PTPRN2: variants seen among roughly 807,000 people sequenced by gnomAD.
PTPRN2 encodes the protein protein tyrosine phosphatase receptor type N2.
PTPRN2 carries 74 observed loss-of-function variants against 118.8 expected under a neutral mutation model. The observed-to-expected ratio is 0.62, with a 90% CI of 0.52 to 0.76. The LOEUF (loss-of-function observed/expected upper bound fraction) is 0.76. Among genes scored for constraint, PTPRN2 ranks in the 30% least tolerant of loss-of-function variants. The probability of loss-of-function intolerance (pLI) is 0.00; values close to 1 mark genes in which losing one functional copy is unlikely to be tolerated. For missense variants in PTPRN2, 1,481 were observed against 1,394.4 expected, an observed-to-expected ratio of 1.06 and a Z score of -0.99; for synonymous variants, 641 against 608.0, an observed-to-expected ratio of 1.05 and a Z score of -0.80.
At chr7:157,955,656 G>C (rs1456349277) in intron 11 of PTPRN2, among the ~76,000 whole-genome samples, 2 of 152,180 alleles carry the variant, frequency 1.3e-5, no homozygotes, top group Non-Finnish European at 2.9e-5. Flanking sequence ...CAACCATTGT[G>C]GTTTTAAGTG....
At chr7:158,220,376 A>G (rs1471109736) in intron 3 of PTPRN2, among the ~76,000 whole-genome samples, 3 of 152,160 alleles carry the variant, frequency 2.0e-5, no homozygotes, top group Non-Finnish European at 4.4e-5. Context: ...GAGGAAGTCA[A>G]ATTATCTCTC....
intron 2 of PTPRN2, among the ~76,000 whole-genome samples, chr7:158,330,768 A>AGG (rs1804205740): frequency 1.0e-5 from 1 of 100,454 alleles, no homozygotes; most frequent in African/African-American, 3.3e-5. Flanking sequence ...ATAAGAGCTG[A>AGG]CACCCGCAGA....
chr7:158,056,860 G>A (rs530672675), intron 11 of PTPRN2, among the ~76,000 whole-genome samples: 86 of 152,330 alleles, frequency 5.6e-4, no homozygotes, highest in Non-Finnish European at 4.7e-4. Context: ...GACGGTGAGT[G>A]GCCATCCAGC....
Position 158,188,244 on chromosome 7 carries a change from CGA to C in PTPRN2, c.549+4081_549+4082del, listed in dbSNP as rs1563576688. On this transcript the variant is annotated intron_variant, in intron 5 of 22. Coordinates refer to ENST00000389418, the MANE Select transcript of PTPRN2 (RefSeq NM_002847.5). ...GGGGAAGGCCGCCACGCTTGCCCCG[CGA>C]TGGGGAAGGCCGCCACGCTCGCCCC... 6.0e-3 allele frequency among the ~76,000 whole-genome samples: 110 copies of C among 18,282 alleles called. 2 individuals carry two copies. Among genetic ancestry groups the C allele is most frequent in the Non-Finnish European group, 0.012 (83 of 7,060 alleles). The allele number at this position is 18,282 out of a possible 152,430, so 12.0% of individuals were successfully genotyped here. A position where few individuals can be genotyped will look rare whatever the true frequency, so the allele number is the denominator to read the frequency against.
intron 3 of PTPRN2, among the ~76,000 whole-genome samples, chr7:158,248,167 G>C (rs1414696246): frequency 6.6e-6 from 1 of 152,200 alleles, no homozygotes; most frequent in Non-Finnish European, 1.5e-5. Context: ...AGGCCAGGCG[G>C]GTCATGCTGT....
intron 12 of PTPRN2, among the ~76,000 whole-genome samples, chr7:157,719,636 G>A (rs1799124153): frequency 6.6e-6 from 1 of 152,360 alleles, no homozygotes; most frequent in African/African-American, 2.4e-5. Context: ...CCCCCGGAGA[G>A]CAGGGCCAGA....
intron 12 of PTPRN2, among the ~76,000 whole-genome samples, chr7:157,897,794 G>A (rs1198217968): frequency 6.6e-6 from 1 of 152,278 alleles, no homozygotes; most frequent in African/African-American, 2.4e-5. Flanking sequence ...AAGTGGCTCC[G>A]CAGAGGGCGG....
At chr7:157,604,166 G>T in intron 15 of PTPRN2, 91 bp from the exon 16 acceptor site, 1 of 1,176,196 alleles carries the variant, frequency 8.5e-7, no homozygotes, top group Non-Finnish European at 1.3e-6. Context: ...CCACCCAGCA[G>T]CACAGGACCC....
chr7:157,595,863 A>G (rs1801306571), intron 16 of PTPRN2, among the ~76,000 whole-genome samples: 1 of 152,186 alleles, frequency 6.6e-6, no homozygotes, highest in East Asian at 1.9e-4. Flanking sequence ...TGCTTTCCTT[A>G]TACCTGAGGT....
rs1802183675 is a variant in PTPRN2, at chr7:157,609,216, C to T, written c.2345-5141G>A. Among the ~76,000 whole-genome samples the T allele has an allele frequency of 6.6e-6, 1 of 152,132 alleles. No individual in the cohort carries two copies. The highest frequency in any genetic ancestry group is 1.5e-5 in the Non-Finnish European group (1 of 68,038). On this transcript the variant is annotated intron_variant, in intron 15 of 22. Transcript: ENST00000389418. The surrounding 1 kb of genome is among the most constrained non-coding windows in gnomAD (Gnocchi z 4.9). ...TGGCCAAAGTGGCAAAACCACGTCT[C>T]TACTAAAAATACAAAAATTAGCCAG...
intron 10 of PTPRN2, among the ~76,000 whole-genome samples, chr7:158,084,056 C>T (rs1331657187): frequency 2.0e-5 from 3 of 152,312 alleles, no homozygotes; most frequent in East Asian, 1.9e-4. Context: ...ACTCAGCTGT[C>T]GAGTGTGGCA....
chr7:158,149,778 T>C (rs1234270584), intron 6 of PTPRN2, among the ~76,000 whole-genome samples: 1 of 148,088 alleles, frequency 6.8e-6, no homozygotes, highest in Non-Finnish European at 1.5e-5. Flanking sequence ...CACTCCAGCC[T>C]GAGTGACAGA....
intron 11 of PTPRN2, among the ~76,000 whole-genome samples, chr7:158,057,048 G>C (rs1809845837): frequency 6.6e-6 from 1 of 152,184 alleles, no homozygotes; most frequent in Non-Finnish European, 1.5e-5. Context: ...CGACCCCAAG[G>C]TCACGCCCTC....
In PTPRN2 at chr7:158,245,636, T is replaced by C. The variant is rs182999821; in HGVS notation, c.278-40363A>G. ...GTTTTCCAGACTGGGTTTGTTTGGG[T>C]TGATACAAAGGCAACTCTGCACATC... On this transcript the variant is annotated intron_variant, in intron 3 of 22. Coordinates refer to ENST00000389418, the MANE Select transcript of PTPRN2 (RefSeq NM_002847.5). Among the ~76,000 whole-genome samples, 9 of 152,142 alleles carry C rather than the reference T, an allele frequency of 5.9e-5. No homozygotes were observed. In the East Asian group the frequency reaches 1.7e-3, roughly 29 times the overall value.
chr7:158,053,906 CCCAGAGATGCAGAGACT>C (rs1563366162), intron 11 of PTPRN2, among the ~76,000 whole-genome samples: 159 of 144,502 alleles, frequency 1.1e-3, no homozygotes, highest in African/African-American at 3.8e-3. Context: ...ATGCAGAGAC[CCCAGAGATGCAGAGACT>C]CCAGAGACGC....
intron 2 of PTPRN2, among the ~76,000 whole-genome samples, chr7:158,440,536 A>G (rs374567469): frequency 2.0e-5 from 3 of 148,468 alleles, no homozygotes; most frequent in Middle Eastern, 3.4e-3. Flanking sequence ...TGTGGTAATG[A>G]TGGTGGTGGT....
intron 12 of PTPRN2, among the ~76,000 whole-genome samples, chr7:157,739,804 G>T (rs1800516447): frequency 6.6e-6 from 1 of 152,200 alleles, no homozygotes; most frequent in African/African-American, 2.4e-5. Context: ...GGTTCTGACG[G>T]CAGAGAACAG....
chr7:157,870,073 A>T (rs1810958137), intron 12 of PTPRN2, among the ~76,000 whole-genome samples: 1 of 152,116 alleles, frequency 6.6e-6, no homozygotes, highest in African/African-American at 2.4e-5. Context: ...ATGCTTCAGG[A>T]TCTTGATTCC....
At chr7:158,341,809 AAG>A (rs1806876614) in intron 2 of PTPRN2, among the ~76,000 whole-genome samples, 1 of 134,848 alleles carries the variant, frequency 7.4e-6, no homozygotes. Flanking sequence ...CTCTCACCGT[AAG>A]AGGTGACACC....
Sources: allele counts gnomAD v4.1 joint callset (sites outside exome capture counted in the v4.1 genomes callset), GRCh38; gene constraint gnomAD v4.1.1; non-coding constraint Gnocchi (gnomAD v3.1); transcripts MANE v1.5; gene names NCBI Gene and HGNC (gene_info 2026-07-23, HGNC 2026-07-21).